SNX10: variants seen among roughly 807,000 people sequenced by gnomAD.
The protein encoded by SNX10 is sorting nexin-10.
Under a neutral mutation model 28.5 loss-of-function variants are expected in SNX10, and 25 were observed. The ratio of observed to expected loss-of-function variants is 0.88; its 90% CI spans 0.64 to 1.22. The LOEUF is 1.22. Ranked by LOEUF, SNX10 falls within the 50% of genes most tolerant of loss-of-function variation. SNX10 has a pLI of 0.00. For missense variants in SNX10, 223 were observed against 242.6 expected (o/e 0.92, Z 0.54); for synonymous variants, 62 against 81.4 (o/e 0.76, Z 1.28).
At position 26,307,918 on chromosome 7, in the gene SNX10, C is replaced by G. The variant is rs370473562; in HGVS notation, c.-24+15832C>G. ...ATGAAGCTCATGGCTTGTAATTTCTCTCCCTGGCAATCCTTCCAACACCCA... is the reference window on the plus strand; with the variant it reads ...ATGAAGCTCATGGCTTGTAATTTCTGTCCCTGGCAATCCTTCCAACACCCA... On this transcript the variant is annotated intron_variant, in intron 1 of 6. Transcript: ENST00000338523. Among the ~76,000 whole-genome samples, 19 of 152,248 alleles carry G rather than the reference C, an allele frequency of 1.2e-4. 1 individual carries two copies. In the South Asian group the frequency reaches 2.5e-3, roughly 20 times the overall value.
At chr7:26,309,001 G>T (rs1033033127) in intron 1 of SNX10, among the ~76,000 whole-genome samples, 1 of 151,952 alleles carries the variant, frequency 6.6e-6, no homozygotes, top group African/African-American at 2.4e-5. Context: ...TTGAGTAAGA[G>T]AATTAAAAAA....
intron 1 of SNX10, among the ~76,000 whole-genome samples, chr7:26,333,498 G>T (rs1478594396): frequency 6.6e-6 from 1 of 150,718 alleles, no homozygotes; most frequent in African/African-American, 2.4e-5. Context: ...TAATTTTTTT[G>T]TATTTTTAGT....
chr7:26,306,254 T>G (rs910783592), intron 1 of SNX10, among the ~76,000 whole-genome samples: 1 of 152,106 alleles, frequency 6.6e-6, no homozygotes, highest in Non-Finnish European at 1.5e-5. Context: ...TATCTTAGGC[T>G]TCTTAGATCA....
chr7:26,323,068 T>G (rs1250632956), intron 1 of SNX10, among the ~76,000 whole-genome samples: 2 of 151,988 alleles, frequency 1.3e-5, no homozygotes, highest in Non-Finnish European at 2.9e-5. Flanking sequence ...GGCAACATAG[T>G]GAGATATTAT....
intron 1 of SNX10, among the ~76,000 whole-genome samples, chr7:26,335,973 C>G (rs993438426): frequency 6.6e-6 from 1 of 151,756 alleles, no homozygotes; most frequent in African/African-American, 2.4e-5. Context: ...CCTCGTGATC[C>G]GCCCGCCTCG....
chr7:26,305,962 G>A (rs533314821), intron 1 of SNX10, among the ~76,000 whole-genome samples: 242 of 152,202 alleles, frequency 1.6e-3, no homozygotes, highest in African/African-American at 5.5e-3. Context: ...TGGCGCAATC[G>A]TGGGTCACTG....
At chr7:26,347,544 GA>G (rs1375253199) in intron 2 of SNX10, among the ~76,000 whole-genome samples, 1 of 152,044 alleles carries the variant, frequency 6.6e-6, no homozygotes, top group Non-Finnish European at 1.5e-5. Context: ...TGTCTCAAAC[GA>G]AAAACCAAAA....
At chr7:26,352,617 T>G (rs571596073) in intron 2 of SNX10, among the ~76,000 whole-genome samples, 8 of 152,366 alleles carry the variant, frequency 5.3e-5, no homozygotes, top group Middle Eastern at 3.4e-3. Flanking sequence ...ATTATATAAT[T>G]TCATCTGTAA....
chr7:26,363,578 T>G (rs531974387), intron 3 of SNX10, among the ~76,000 whole-genome samples: 97 of 152,318 alleles, frequency 6.4e-4, no homozygotes, highest in Middle Eastern at 3.4e-3. Flanking sequence ...AAGGAGAATA[T>G]TTACTCTCGT....
chr7:26,299,910 C>CT (rs1786270687), intron 1 of SNX10, among the ~76,000 whole-genome samples: 1 of 151,524 alleles, frequency 6.6e-6, no homozygotes, highest in South Asian at 2.1e-4. Context: ...TTCAAAAAAA[C>CT]TTTTAAAAAG....
chr7:26,371,135 A>G (rs1040095003), intron 5 of SNX10, among the ~76,000 whole-genome samples: 4 of 152,142 alleles, frequency 2.6e-5, no homozygotes, highest in African/African-American at 4.8e-5. Flanking sequence ...TGGGAAGAGC[A>G]GTATGTATTC....
chr7:26,317,994 C>A (rs935141083), intron 1 of SNX10, among the ~76,000 whole-genome samples: 1 of 152,024 alleles, frequency 6.6e-6, no homozygotes, highest in Non-Finnish European at 1.5e-5. Flanking sequence ...CAAATGTCTT[C>A]GGCATCTAGG....
chr7:26,335,183 A>AT (rs1292227628), intron 1 of SNX10, among the ~76,000 whole-genome samples: 35 of 152,246 alleles, frequency 2.3e-4, no homozygotes, highest in Admixed American at 2.3e-3. Context: ...GGCTCCTGTG[A>AT]TTCAGCTTGT....
chr7:26,320,278 G>A (rs1019343028), intron 1 of SNX10, among the ~76,000 whole-genome samples: 3 of 151,354 alleles, frequency 2.0e-5, no homozygotes, highest in South Asian at 2.1e-4. Flanking sequence ...CCCTGCTCCC[G>A]GCCTATATTT....
chr7:26,354,010 T>C (rs1381245355), intron 2 of SNX10: 1 of 152,226 alleles, frequency 6.6e-6, no homozygotes, highest in African/African-American at 2.4e-5. Context: ...CTTTATTAGC[T>C]TTCGTCTTTT....
At chr7:26,339,867 A>T (rs1278676463) in intron 1 of SNX10, among the ~76,000 whole-genome samples, 40 of 136,098 alleles carry the variant, frequency 2.9e-4, no homozygotes, top group Admixed American at 1.9e-3. Context: ...TTTTTTTTTT[A>T]AATAGTTGGT....
intron 1 of SNX10, among the ~76,000 whole-genome samples, chr7:26,324,613 G>A (rs935195764): frequency 1.3e-5 from 2 of 151,990 alleles, no homozygotes; most frequent in Non-Finnish European, 2.9e-5. Flanking sequence ...CTCCTGTCTC[G>A]GCCTCCCAAC....
At position 26,304,037 on chromosome 7, in the gene SNX10, A is replaced by C. The variant is rs1786477269; in HGVS notation, c.-24+11951A>C. Among the ~76,000 whole-genome samples the C allele has an allele frequency of 1.3e-5, 2 of 152,184 alleles. 1 individual carries two copies. Among genetic ancestry groups the C allele is most frequent in the South Asian group, 4.1e-4 (2 of 4,830 alleles). On this transcript the variant is annotated intron_variant, in intron 1 of 6. Coordinates refer to ENST00000338523, the MANE Select transcript of SNX10 (RefSeq NM_013322.3). ...AGTTTTGTAAGGGCCTAACACTTAC[A>C]TAGTTTGGGGTCCTCTGTAAGAAAA... is the stretch of plus-strand genomic sequence containing the variant.
intron 1 of SNX10, among the ~76,000 whole-genome samples, chr7:26,338,482 A>G (rs1788032893): frequency 6.6e-6 from 1 of 152,110 alleles, no homozygotes; most frequent in South Asian, 2.1e-4. Context: ...CCTGGAGTGC[A>G]GTGGCGTGAT....
Sources: gnomAD v4.1 joint callset for allele counts (sites outside exome capture counted in the v4.1 genomes callset) on GRCh38, gnomAD v4.1.1 for gene constraint, MANE v1.5 for transcripts, NCBI Gene and HGNC (gene_info 2026-07-23, HGNC 2026-07-21) for gene names.